The following BMPR1B variants were observed in gnomAD, a reference collection of about 807,000 sequenced individuals.
BMPR1B encodes the protein bone morphogenetic protein receptor type-1B.
Under a neutral mutation model 59.1 loss-of-function variants are expected in BMPR1B, and 12 were observed. That is an observed-to-expected ratio of 0.20 (90% CI 0.13 to 0.33). The LOEUF is 0.33. Among genes scored for constraint, BMPR1B ranks in the 10% least tolerant of loss-of-function variants. The pLI, the probability that BMPR1B is intolerant of heterozygous loss-of-function variation, is 1.00. For synonymous variants in BMPR1B, 237 were observed against 207.3 expected (o/e 1.14, Z -1.23); for missense variants, 550 against 610.9 (o/e 0.90, Z 1.05).
intron 2 of BMPR1B, among the ~76,000 whole-genome samples, chr4:94,952,628 T>A (rs772491718): frequency 6.6e-5 from 10 of 152,164 alleles, no homozygotes; most frequent in Non-Finnish European, 1.3e-4. Flanking sequence ...TGAGAGACTG[T>A]TTGTTATGGT....
chr4:94,823,617 A>C (rs1724281872), intron 1 of BMPR1B, among the ~76,000 whole-genome samples: 1 of 152,212 alleles, frequency 6.6e-6, no homozygotes, highest in Admixed American at 6.5e-5. Context: ...TAACCTCTCT[A>C]TAAGGCAAAG....
chr4:94,934,727 G>GT (rs1729225501), intron 2 of BMPR1B, among the ~76,000 whole-genome samples: 1 of 151,978 alleles, frequency 6.6e-6, no homozygotes, highest in South Asian at 2.1e-4. Flanking sequence ...GGAATTAATA[G>GT]TTTTTTCCCC....
intron 1 of BMPR1B, among the ~76,000 whole-genome samples, chr4:94,834,548 C>G (rs1169228294): frequency 6.6e-6 from 1 of 152,020 alleles, no homozygotes; most frequent in African/African-American, 2.4e-5. Context: ...TTCTGGGAAG[C>G]CTTCTCTACA....
chr4:95,082,075 T>A (rs1319437393), intron 3 of BMPR1B, among the ~76,000 whole-genome samples: 1 of 151,460 alleles, frequency 6.6e-6, no homozygotes, highest in Admixed American at 6.6e-5. Flanking sequence ...GCTGGTGTGC[T>A]GCACCCATTA....
In BMPR1B at chr4:95,038,965, A is replaced by G. The variant is rs192306082; in HGVS notation, c.-18+42831A>G. On this transcript the variant is annotated intron_variant, in intron 3 of 12. Coordinates refer to ENST00000515059, the MANE Select transcript of BMPR1B (RefSeq NM_001203.3). ...AAACCTTAGGATAACTCACTGCTTG[A>G]CTAAATTTTTCACTTTTCAGCTGGG... 5.9e-5 allele frequency among the ~76,000 whole-genome samples: 9 copies of G among 152,298 alleles called. No individual in the cohort carries two copies. The East Asian group carries it at 1.5e-3, about 26-fold the overall frequency.
In BMPR1B at chr4:95,104,552, TCAA is replaced by T. The variant is rs754433500; in HGVS notation, c.132_134del (p.Asn45del). 6 of 1,613,436 alleles carry T rather than the reference TCAA, an allele frequency of 3.7e-6. No homozygotes were observed. Among genetic ancestry groups the T allele is most frequent in the Non-Finnish European group, 5.1e-6 (6 of 1,179,538 alleles). On this transcript the variant is annotated inframe_deletion, in exon 4 of 13. Coordinates refer to ENST00000515059, the MANE Select transcript of BMPR1B (RefSeq NM_001203.3). ...CACCACCATTGTCCAGAAGACTCAG[TCAA>T]CAATATTTGCAGGTTGGTGATATAA... is the stretch of plus-strand genomic sequence containing the variant.
intron 3 of BMPR1B, among the ~76,000 whole-genome samples, chr4:94,997,075 T>A (rs182508788): frequency 6.6e-6 from 1 of 152,344 alleles, no homozygotes; most frequent in East Asian, 1.9e-4. Context: ...TCAATTATGT[T>A]GTTTCACTAG....
chr4:95,101,110 C>T (rs1730790464), intron 3 of BMPR1B, among the ~76,000 whole-genome samples: 1 of 152,110 alleles, frequency 6.6e-6, no homozygotes, highest in African/African-American at 2.4e-5. Flanking sequence ...CTGAGAAACT[C>T]ACAAGATTAC....
At chr4:95,020,338 G>T (rs1206837861) in intron 3 of BMPR1B, among the ~76,000 whole-genome samples, 3 of 152,196 alleles carry the variant, frequency 2.0e-5, no homozygotes, top group Non-Finnish European at 4.4e-5. Context: ...CCAGCACTTT[G>T]GGAGGCCGAG....
At chr4:95,058,219 G>A (rs182908382) in intron 3 of BMPR1B, among the ~76,000 whole-genome samples, 68 of 152,218 alleles carry the variant, frequency 4.5e-4, no homozygotes, top group Non-Finnish European at 6.5e-4. Flanking sequence ...GTTATACATC[G>A]TTCATTCAAT....
At chr4:94,861,710 A>G (rs1307940749) in intron 1 of BMPR1B, among the ~76,000 whole-genome samples, 1 of 152,242 alleles carries the variant, frequency 6.6e-6, no homozygotes, top group Non-Finnish European at 1.5e-5. Flanking sequence ...GAGAAAAAAG[A>G]GATTACCCAA....
chr4:94,906,062 G>T (rs1402144946), intron 2 of BMPR1B, among the ~76,000 whole-genome samples: 2 of 151,830 alleles, frequency 1.3e-5, no homozygotes, highest in Admixed American at 1.3e-4. Flanking sequence ...TTGTCAAGGA[G>T]ACTCCTAGTT....
At chr4:95,005,636 T>TTTTTCTTTCAC (rs1722768685) in intron 3 of BMPR1B, among the ~76,000 whole-genome samples, 1 of 152,198 alleles carries the variant, frequency 6.6e-6, no homozygotes, top group African/African-American at 2.4e-5. Flanking sequence ...TCTTTCCTAG[T>TTTTTCTTTCAC]TTTTCTTTCA....
chr4:94,866,903 A>G (rs930738786), intron 1 of BMPR1B, among the ~76,000 whole-genome samples: 7 of 152,142 alleles, frequency 4.6e-5, no homozygotes, highest in African/African-American at 1.4e-4. Flanking sequence ...TTATTTCACT[A>G]TAGTCTGTAG....
intron 1 of BMPR1B, among the ~76,000 whole-genome samples, chr4:94,825,141 C>T (rs888328603): frequency 1.3e-5 from 2 of 152,122 alleles, no homozygotes; most frequent in Admixed American, 1.3e-4. Context: ...GGGAGTTCAT[C>T]GCTAGTCTCT....
At chr4:95,025,315 G>A (rs1213593962) in intron 3 of BMPR1B, among the ~76,000 whole-genome samples, 1 of 152,146 alleles carries the variant, frequency 6.6e-6, no homozygotes, top group East Asian at 1.9e-4. Context: ...AGGCAGTGAA[G>A]TCATGTGTGT....
At chr4:95,073,480 A>G (rs1398530336) in intron 3 of BMPR1B, among the ~76,000 whole-genome samples, 1 of 152,180 alleles carries the variant, frequency 6.6e-6, no homozygotes, top group Non-Finnish European at 1.5e-5. Context: ...GATTTAGATC[A>G]AAATCATTTC....
chr4:94,898,472 C>T (rs1057397336), intron 2 of BMPR1B, among the ~76,000 whole-genome samples: 5 of 151,878 alleles, frequency 3.3e-5, no homozygotes, highest in African/African-American at 9.7e-5. Flanking sequence ...TTGGGGATAG[C>T]GAGAGACTTC....
intron 2 of BMPR1B, among the ~76,000 whole-genome samples, chr4:94,950,850 A>G (rs1285982254): frequency 1.3e-5 from 2 of 152,138 alleles, no homozygotes; most frequent in African/African-American, 4.8e-5. Context: ...GCTTCATGGG[A>G]ATAGAATTGA....
Sources: gnomAD v4.1 joint callset for allele counts (sites outside exome capture counted in the v4.1 genomes callset) on GRCh38, gnomAD v4.1.1 for gene constraint, MANE v1.5 for transcripts, NCBI Gene and HGNC (gene_info 2026-07-23, HGNC 2026-07-21) for gene names.